Variants in SHANK2 observed in about 807,000 individuals in gnomAD.
SHANK2 encodes SH3 and multiple ankyrin repeat domains protein 2.
SHANK2 carries 43 observed loss-of-function variants against 133.7 expected under a neutral mutation model. The ratio of observed to expected loss-of-function variants is 0.32; its 90% CI spans 0.25 to 0.41. The LOEUF (loss-of-function observed/expected upper bound fraction) is 0.41, where lower values mean the gene tolerates loss of function less well. Among genes scored for constraint, SHANK2 ranks in the 10% least tolerant of loss-of-function variants. SHANK2 has a pLI of 1.00. For synonymous variants in SHANK2, 1,017 were observed against 952.8 expected (o/e 1.07, Z -1.24); for missense variants, 1,994 against 2,235.8 (o/e 0.89, Z 2.18).
At position 71,146,230 on chromosome 11, in the gene SHANK2, C is replaced by T. The variant is rs73523287; in HGVS notation, c.207+890G>A. Among the ~76,000 whole-genome samples, 540 of 152,344 alleles carry T rather than the reference C, an allele frequency of 3.5e-3. 5 individuals carry two copies. Among genetic ancestry groups the T allele is most frequent in the African/African-American group, 0.013 (520 of 41,574 alleles). On this transcript the variant is annotated intron_variant, in intron 3 of 25. Transcript: ENST00000601538. ...AGGCCACATGTGGCACAGTCCCCGC[C>T]GTGAGCAAGAGGGAACGTGGCTGGG...
At position 70,599,441 on chromosome 11, in the gene SHANK2, A is replaced by G. The variant is rs561028166; in HGVS notation, c.2061+60387T>C. On this transcript the variant is annotated intron_variant, in intron 17 of 25. Transcript: ENST00000601538. ...GCTAACACGGTGAAACCCCGTCTCTACTAAAAATACAGAAAATTAGCCGGG... is the reference window on the plus strand; with the variant it reads ...GCTAACACGGTGAAACCCCGTCTCTGCTAAAAATACAGAAAATTAGCCGGG... Among the ~76,000 whole-genome samples the G allele has an allele frequency of 1.1e-3, 120 of 107,316 alleles. 11 individuals are homozygous for G. Among genetic ancestry groups the G allele is most frequent in the African/African-American group, 3.5e-3 (117 of 33,064 alleles). The allele number at this position is 107,316 out of a possible 152,430, so 70.4% of individuals were successfully genotyped here.
intron 2 of SHANK2, among the ~76,000 whole-genome samples, chr11:71,152,424 T>G (rs1476064247): frequency 1.3e-5 from 2 of 152,192 alleles, no homozygotes; most frequent in Admixed American, 1.3e-4. Flanking sequence ...AGAAATTCAC[T>G]GTTTTTAACG....
Position 71,104,568 on chromosome 11 carries a change from T to C in SHANK2, c.592+5373A>G, listed in dbSNP as rs187222860. On this transcript the variant is annotated intron_variant, in intron 6 of 25. Coordinates refer to ENST00000601538, the MANE Select transcript of SHANK2 (RefSeq NM_012309.5). ...CTTGCGTTTAGCTTGTCCCCACTGA[T>C]ACTTGCTCCATGTGTGCCTGAGGGT... is the stretch of plus-strand genomic sequence containing the variant. 4.2e-3 allele frequency among the ~76,000 whole-genome samples: 634 copies of C among 152,334 alleles called. 4 individuals carry two copies. Among genetic ancestry groups the C allele is most frequent in the Non-Finnish European group, 7.8e-3 (529 of 68,024 alleles).
intron 17 of SHANK2, among the ~76,000 whole-genome samples, chr11:70,567,426 A>T (rs1011339922): frequency 1.3e-5 from 2 of 152,106 alleles, no homozygotes; most frequent in African/African-American, 2.4e-5. Context: ...CAGGAGTTTG[A>T]GACCAGCCTG....
chr11:71,204,309 C>T (rs77276013), intron 2 of SHANK2, among the ~76,000 whole-genome samples: 6,225 of 152,322 alleles, frequency 0.041, 175 homozygotes, highest in Non-Finnish European at 0.054. Context: ...ACCAGGCCCC[C>T]GGCTCAGGGC....
chr11:71,055,989 A>C (rs1950913604), intron 10 of SHANK2, among the ~76,000 whole-genome samples: 2 of 152,076 alleles, frequency 1.3e-5, no homozygotes, highest in African/African-American at 4.8e-5. Flanking sequence ...ATTTTTAAAA[A>C]AGTTTAGGAC....
At chr11:70,895,743 G>A (rs1273590385) in intron 11 of SHANK2, among the ~76,000 whole-genome samples, 1 of 152,084 alleles carries the variant, frequency 6.6e-6, no homozygotes, top group African/African-American at 2.4e-5. Flanking sequence ...CAAATCAGCT[G>A]CAAATTAATT....
chr11:70,642,575 C>T (rs2061198766), intron 17 of SHANK2, among the ~76,000 whole-genome samples: 1 of 152,220 alleles, frequency 6.6e-6, no homozygotes, highest in Admixed American at 6.5e-5. Context: ...CCCCTGTGTC[C>T]ACGCTAGCTG....
At chr11:70,483,463 C>T (rs1388777568) in intron 25 of SHANK2, among the ~76,000 whole-genome samples, 2 of 139,862 alleles carry the variant, frequency 1.4e-5, no homozygotes, top group Non-Finnish European at 3.0e-5. Context: ...CTTTGGGAGG[C>T]TGAGGTGAGT....
At chr11:71,218,011 C>T (rs1332524914) in intron 2 of SHANK2, among the ~76,000 whole-genome samples, 6 of 152,040 alleles carry the variant, frequency 3.9e-5, no homozygotes, top group Non-Finnish European at 5.9e-5. Flanking sequence ...CCACCACGCC[C>T]GGCTAATTTT....
intron 8 of SHANK2, among the ~76,000 whole-genome samples, chr11:71,081,442 C>A (rs1166422851): frequency 6.6e-6 from 1 of 152,212 alleles, no homozygotes; most frequent in Admixed American, 6.5e-5. Flanking sequence ...AGCTGCGGCC[C>A]TTGCCCACCT....
intron 17 of SHANK2, among the ~76,000 whole-genome samples, chr11:70,581,418 C>A (rs2060183637): frequency 6.6e-6 from 1 of 152,156 alleles, no homozygotes; most frequent in Non-Finnish European, 1.5e-5. Flanking sequence ...AGGCCAGGTA[C>A]AGTGGCTCAT....
At chr11:70,568,646 G>GCCCCCCCCCCCCCCCCCCCCCCCCC (rs66982078) in intron 17 of SHANK2, among the ~76,000 whole-genome samples, 1 of 79,966 alleles carries the variant, frequency 1.3e-5, no homozygotes, top group Admixed American at 1.2e-4. Context: ...GCGGATTCCT[G>GCCCCCCCCCCCCCCCCCCCCCCCCC]CCCCCCCCGC....
chr11:70,953,819 C>T lies in SHANK2; in HGVS notation c.1108-57252G>A, dbSNP rs7109791. ...ATCCCTCAATCAAGTTGATGTGTAA[C>T]ATTAACCATCACAGTGAGTGGGTTC... On this transcript the variant is annotated intron_variant, in intron 10 of 25. Transcript: ENST00000601538. Among the ~76,000 whole-genome samples, 678 of 152,292 alleles carry T rather than the reference C, an allele frequency of 4.5e-3. 4 individuals are homozygous for T. Among genetic ancestry groups the T allele is most frequent in the African/African-American group, 0.015 (635 of 41,566 alleles).
chr11:70,492,427 G>T lies in SHANK2; in HGVS notation c.2347C>A (p.Arg783Ser). The T allele has an allele frequency of 6.2e-7, 1 of 1,613,980 alleles. No individual in the cohort carries two copies. The highest frequency in any genetic ancestry group is 1.1e-5 in the South Asian group (1 of 91,090). Residue 783 changes from arginine to serine, a missense_variant, in exon 22 of 26, where the codon CGC (arginine) becomes AGC (serine). Arg to Ser is a moderately radical substitution (Grantham distance 110). This residue lies in a region of SHANK2 where 488 missense variants were observed against 642.6 expected (regional missense o/e 0.76). Transcript: ENST00000601538. ...TCCACAGCCATGTTCTCAGCAGCGC[G>T]GGAGGGCTTGGAGGCCGGGACTATC... ...EEIVPASKPS[R>S]AAENMAVEPR...
Position 70,599,631 on chromosome 11 carries a change from A to C in SHANK2, c.2061+60197T>G, listed in dbSNP as rs1236992285. ...AAAAAAAAAAAAAAAAAAAAAAAAAAAAAAAAAAAAATTGGCTGGGTGTGG... is the reference window on the plus strand; with the variant it reads ...AAAAAAAAAAAAAAAAAAAAAAAAACAAAAAAAAAAATTGGCTGGGTGTGG... On this transcript the variant is annotated intron_variant, in intron 17 of 25. Coordinates refer to ENST00000601538, the MANE Select transcript of SHANK2 (RefSeq NM_012309.5). Among the ~76,000 whole-genome samples the C allele has an allele frequency of 3.7e-5, 4 of 109,278 alleles. 1 individual carries two copies. In the East Asian group the frequency reaches 1.3e-3, roughly 35 times the overall value. 71.7% of individuals were successfully genotyped at this position (109,278 alleles called of 152,430 possible). A position where few individuals can be genotyped will look rare whatever the true frequency, so the allele number is the denominator to read the frequency against.
At chr11:70,694,775 A>G (rs1945356355) in intron 15 of SHANK2, among the ~76,000 whole-genome samples, 2 of 151,988 alleles carry the variant, frequency 1.3e-5, no homozygotes, top group African/African-American at 4.8e-5. Context: ...GGTGCACAAG[A>G]CCTACTCATC....
intron 1 of SHANK2, among the ~76,000 whole-genome samples, chr11:71,243,918 T>C (rs117865935): frequency 0.017 from 2,536 of 152,330 alleles, 35 homozygotes; most frequent in Non-Finnish European, 0.023. Flanking sequence ...GATGGCTTTA[T>C]TGGTGAATTC....
chr11:70,856,258 A>G (rs1183437089), intron 11 of SHANK2, among the ~76,000 whole-genome samples: 2 of 151,888 alleles, frequency 1.3e-5, no homozygotes, highest in Non-Finnish European at 2.9e-5. Flanking sequence ...GGATGGGTGG[A>G]TGGGTGAGTG....
Sources: gnomAD v4.1 joint callset for allele counts (sites outside exome capture counted in the v4.1 genomes callset) on GRCh38, gnomAD v4.1.1 for gene constraint, gnomAD v4.1.1 regional missense constraint, MANE v1.5 for transcripts, NCBI Gene and HGNC (gene_info 2026-07-23, HGNC 2026-07-21) for gene names.